PSENEN: variants seen among roughly 807,000 people sequenced by gnomAD.
PSENEN encodes the protein presenilin enhancer, gamma-secretase subunit, also known as gamma-secretase subunit PEN-2.
PSENEN carries 4 observed loss-of-function variants against 15.4 expected under a neutral mutation model. The ratio of observed to expected loss-of-function variants is 0.26; its 90% confidence interval spans 0.13 to 0.59. PSENEN has a LOEUF of 0.59. Among genes scored for constraint, PSENEN ranks in the 20% least tolerant of loss-of-function variants. PSENEN has a pLI of 0.89. For synonymous variants in PSENEN, 42 were observed against 46.5 expected (o/e 0.90, Z 0.39); for missense variants, 112 against 120.3 (o/e 0.93, Z 0.32).
rs1295134455 is a variant in PSENEN, at chr19:35,746,465, G to C, written c.108G>C (p.Trp36Cys). ...TTCTCTGGTTGGTCAACATCTTCTG[G>C]TTCTTCCGAGAGGCCTTCCTTGTCC... ...LPFLWLVNIF[W>C]FFREAFLVPA... is the part of the protein sequence containing the mutation. The change falls in exon 3 of 4, where the codon TGG becomes TGC. Residue 36 changes from tryptophan (W) to cysteine (C), a missense_variant. Physicochemically the swap from Trp to Cys is radical, Grantham distance 215. Coordinates refer to ENST00000587708, the MANE Select transcript of PSENEN (RefSeq NM_172341.4). 4 of 1,613,980 alleles carry C rather than the reference G, an allele frequency of 2.5e-6. No homozygotes were observed. The highest frequency in any genetic ancestry group is 2.5e-6 in the Non-Finnish European group (3 of 1,180,022).
At chr19:35,746,297 A>T (rs1275317884) in intron 2 of PSENEN, 122 bp from the exon 3 acceptor site, 3 of 881,926 alleles carry the variant, frequency 3.4e-6, no homozygotes, top group Non-Finnish European at 5.5e-6. Context: ...GACAACAGAA[A>T]TCTCCATTTG....
intron 3 of PSENEN, 79 bp from the exon 4 acceptor site, chr19:35,746,629 G>A: frequency 6.2e-7 from 1 of 1,611,968 alleles, no homozygotes. Context: ...GGGGCTCTGG[G>A]TGAGAAGGGA....
Position 35,747,093 on chromosome 19 carries a change from G to GT in PSENEN, c.*247dup. The GT allele has an allele frequency of 2.2e-6, 1 of 446,180 alleles. No homozygotes were observed. The highest frequency in any genetic ancestry group is 4.0e-6 in the Non-Finnish European group (1 of 252,680). The allele number at this position is 446,180 out of a possible 1,614,324, so 27.6% of individuals were successfully genotyped here. On this transcript the variant is annotated 3_prime_UTR_variant, in exon 4 of 4. Transcript: ENST00000587708. ...TGTTGAGAGCTTTGTACGAGGCTTA[G>GT]TATTTAGACATGATGTACATTTTTT... is the stretch of plus-strand genomic sequence containing the variant.
chr19:35,746,235 T>C (rs925286279), intron 2 of PSENEN, among the ~76,000 whole-genome samples, 184 bp from the exon 3 acceptor site: 1 of 152,090 alleles, frequency 6.6e-6, no homozygotes, highest in East Asian at 1.9e-4. Context: ...AAAGAGATGG[T>C]TGAGGAATCA....
Sources: allele counts gnomAD v4.1 joint callset (sites outside exome capture counted in the v4.1 genomes callset), GRCh38; gene constraint gnomAD v4.1.1; transcripts MANE v1.5; gene names NCBI Gene and HGNC (gene_info 2026-07-23, HGNC 2026-07-21).